The following CCSER1 variants were observed in gnomAD, a reference collection of about 807,000 sequenced individuals.
CCSER1 encodes the protein coiled-coil serine rich protein 1.
Under a neutral mutation model 82.0 loss-of-function variants are expected in CCSER1, and 41 were observed. That is an observed-to-expected ratio of 0.50 (90% CI 0.39 to 0.65). The LOEUF is 0.65. CCSER1 is among the 30% of genes least tolerant of loss of function. CCSER1 has a pLI of 0.00. For synonymous variants in CCSER1, 414 were observed against 383.9 expected (o/e 1.08, Z -0.92); for missense variants, 1,119 against 1,064.2 (o/e 1.05, Z -0.72).
intron 6 of CCSER1, among the ~76,000 whole-genome samples, chr4:90,682,399 G>T (rs1734051838): frequency 6.6e-6 from 1 of 151,748 alleles, no homozygotes; most frequent in Admixed American, 6.6e-5. Context: ...GTATATCATG[G>T]CCTGGTGAAT....
chr4:90,806,741 C>G (rs535678499), intron 7 of CCSER1, among the ~76,000 whole-genome samples: 1 of 152,266 alleles, frequency 6.6e-6, no homozygotes, highest in Admixed American at 6.5e-5. Flanking sequence ...AGCCAACCCA[C>G]TTTTGCTCAA....
intron 1 of CCSER1, among the ~76,000 whole-genome samples, chr4:90,238,756 A>T (rs563089222): frequency 4.9e-4 from 74 of 152,092 alleles, no homozygotes; most frequent in African/African-American, 1.7e-3. Context: ...TTACTTTTGG[A>T]TTTTGTTTTG....
chr4:90,902,820 G>A (rs374457674), intron 8 of CCSER1, among the ~76,000 whole-genome samples: 1 of 151,956 alleles, frequency 6.6e-6, no homozygotes, highest in African/African-American at 2.4e-5. Context: ...ATGAGTGGAA[G>A]CACCTGCCCT....
chr4:91,092,729 T>G (rs1239713017), intron 10 of CCSER1, among the ~76,000 whole-genome samples: 2 of 152,190 alleles, frequency 1.3e-5, no homozygotes, highest in African/African-American at 4.8e-5. Context: ...TTATTGTTTG[T>G]CCTCCCTCTG....
At chr4:90,753,020 C>G (rs772104891) in intron 7 of CCSER1, among the ~76,000 whole-genome samples, 26 of 151,862 alleles carry the variant, frequency 1.7e-4, no homozygotes, top group Non-Finnish European at 5.9e-5. Flanking sequence ...TTAGTTGGAC[C>G]AAAAGGCAGA....
At chr4:90,613,404 TGTA>T (rs1396283180) in intron 5 of CCSER1, among the ~76,000 whole-genome samples, 1 of 152,108 alleles carries the variant, frequency 6.6e-6, no homozygotes, top group Non-Finnish European at 1.5e-5. Context: ...TATTACCAAA[TGTA>T]GTATCCTTTC....
chr4:90,673,860 A>G, intron 6 of CCSER1, among the ~76,000 whole-genome samples: 1 of 152,052 alleles, frequency 6.6e-6, no homozygotes. Context: ...CTTGTCAGGC[A>G]TAGTTCATTA....
chr4:90,811,908 TATACACAC>T (rs202226042), intron 7 of CCSER1, among the ~76,000 whole-genome samples: 4,643 of 118,428 alleles, frequency 0.039, 97 homozygotes, highest in East Asian at 0.062. Context: ...GGAATATATA[TATACACAC>T]ACACACACAC....
chr4:91,014,924 G>A (rs1017359074), intron 9 of CCSER1, among the ~76,000 whole-genome samples: 1 of 83,328 alleles, frequency 1.2e-5, no homozygotes, highest in East Asian at 5.0e-4. Flanking sequence ...AGTTTGGAGA[G>A]AATCAAACCC....
intron 5 of CCSER1, among the ~76,000 whole-genome samples, chr4:90,566,603 CTT>C (rs71596531): frequency 2.1e-4 from 29 of 136,726 alleles, no homozygotes; most frequent in African/African-American, 3.0e-4. Flanking sequence ...TCACAATTAC[CTT>C]TTTTTTTTTT....
intron 1 of CCSER1, among the ~76,000 whole-genome samples, chr4:90,145,968 G>A (rs1276166751): frequency 6.6e-6 from 1 of 151,960 alleles, no homozygotes. Context: ...AATCTCTGAA[G>A]CACTATTATA....
chr4:91,599,739 CTCTGA>C lies in CCSER1; in HGVS notation c.*686_*690del, dbSNP rs946876264. On this transcript the variant is annotated 3_prime_UTR_variant, in exon 11 of 11. Coordinates refer to ENST00000509176, the MANE Select transcript of CCSER1 (RefSeq NM_001145065.2). ...TTGCTAGCCAAATAGAGAATGACAG[CTCTGA>C]TCTTTGAAAAATTTTGCTTTTAGTT... 3.9e-5 allele frequency: 6 copies of C among 152,148 alleles called. No individual in the cohort carries two copies. The highest frequency in any genetic ancestry group is 1.4e-4 in the African/African-American group (6 of 41,534). The allele number at this position is 152,148 out of a possible 1,614,324, so 9.4% of individuals were successfully genotyped here.
At chr4:91,232,317 A>G (rs1453248608) in intron 10 of CCSER1, among the ~76,000 whole-genome samples, 3 of 151,876 alleles carry the variant, frequency 2.0e-5, no homozygotes, top group Non-Finnish European at 4.4e-5. Context: ...AAGCTTAAAA[A>G]CAATCTCAAT....
At chr4:91,568,929 G>A (rs1043305364) in intron 10 of CCSER1, among the ~76,000 whole-genome samples, 13 of 152,154 alleles carry the variant, frequency 8.5e-5, no homozygotes, top group African/African-American at 3.1e-4. Flanking sequence ...GGCCATTTGA[G>A]TTACAGGAGT....
At chr4:91,536,412 C>G (rs1393775564) in intron 10 of CCSER1, among the ~76,000 whole-genome samples, 1 of 151,988 alleles carries the variant, frequency 6.6e-6, no homozygotes, top group Non-Finnish European at 1.5e-5. Context: ...ATATAAGAAA[C>G]GCAGAGTTGG....
At chr4:90,212,635 G>T (rs891857587) in intron 1 of CCSER1, among the ~76,000 whole-genome samples, 1 of 152,086 alleles carries the variant, frequency 6.6e-6, no homozygotes, top group South Asian at 2.1e-4. Context: ...TATATCTGAC[G>T]TACTGGAAAT....
intron 7 of CCSER1, among the ~76,000 whole-genome samples, chr4:90,777,671 G>C (rs1003566645): frequency 6.6e-6 from 1 of 151,958 alleles, no homozygotes. Flanking sequence ...ATTGTATATA[G>C]CCAGCAGGAT....
At chr4:91,053,235 A>G (rs1245817079) in intron 9 of CCSER1, among the ~76,000 whole-genome samples, 1 of 152,178 alleles carries the variant, frequency 6.6e-6, no homozygotes, top group Non-Finnish European at 1.5e-5. Context: ...ATTTCTATAT[A>G]CACCTGCTGT....
chr4:91,012,242 A>G (rs1739053597), intron 9 of CCSER1, among the ~76,000 whole-genome samples: 1 of 134,342 alleles, frequency 7.4e-6, no homozygotes, highest in Non-Finnish European at 1.7e-5. Context: ...CTTTGCAGCC[A>G]AAGCATTGTT....
Sources: gnomAD v4.1 joint callset for allele counts (sites outside exome capture counted in the v4.1 genomes callset) on GRCh38, gnomAD v4.1.1 for gene constraint, MANE v1.5 for transcripts, NCBI Gene and HGNC (gene_info 2026-07-23, HGNC 2026-07-21) for gene names.